Variants in ZNF800 observed in about 807,000 individuals in gnomAD.
ZNF800 encodes the protein zinc finger protein 800.
Under a neutral mutation model 59.5 loss-of-function variants are expected in ZNF800, and 13 were observed. The observed-to-expected ratio is 0.22, with a 90% CI of 0.14 to 0.35. The LOEUF is 0.35. Among genes scored for constraint, ZNF800 ranks in the 10% least tolerant of loss-of-function variants. The pLI, the probability that ZNF800 is intolerant of heterozygous loss-of-function variation, is 1.00. For synonymous variants in ZNF800, 266 were observed against 265.7 expected, an observed-to-expected ratio of 1.00 and a Z score of -0.01; for missense variants, 621 against 783.7, an observed-to-expected ratio of 0.79 and a Z score of 2.48.
chr7:127,366,437 G>A (rs1351075237), downstream of ZNF800, among the ~76,000 whole-genome samples: 1 of 152,122 alleles, frequency 6.6e-6, no homozygotes, highest in Non-Finnish European at 1.5e-5. Context: ...TACAAAAAAT[G>A]TAATGGCTCT....
In ZNF800 at chr7:127,383,149, G is replaced by T. The variant is rs530909589; in HGVS notation, c.157+2911C>A. Among the ~76,000 whole-genome samples the T allele has an allele frequency of 5.9e-5, 9 of 152,286 alleles. No homozygotes were observed. The South Asian group carries it at 1.4e-3, about 25-fold the overall frequency. On this transcript the variant is annotated intron_variant, in intron 3 of 5. Coordinates refer to ENST00000265827, the MANE Select transcript of ZNF800 (RefSeq NM_176814.5). ...TCAGTATAGCACACATCAAGTGGTGGACATTAAAAATGAGTCAACTCCTTC... is the reference window on the plus strand; with the variant it reads ...TCAGTATAGCACACATCAAGTGGTGTACATTAAAAATGAGTCAACTCCTTC...
intron 3 of ZNF800, among the ~76,000 whole-genome samples, chr7:127,381,416 C>T (rs1800972279): frequency 6.8e-6 from 1 of 146,840 alleles, no homozygotes; most frequent in Non-Finnish European, 1.5e-5. Context: ...TATCCTAAAA[C>T]TATCACCTGT....
chr7:127,372,911 G>C (rs1473280949), intron 5 of ZNF800: 1 of 984,014 alleles, frequency 1.0e-6, no homozygotes, highest in African/African-American at 1.8e-5. Flanking sequence ...TATAGTTATC[G>C]CCTTCACAAG....
At position 127,350,339 on chromosome 7, in the gene ZNF800, T is replaced by G. The variant is rs1800147734; in HGVS notation, n.225-2296A>C. The G allele has an allele frequency of 1.3e-5, 2 of 152,196 alleles. 1 individual carries two copies. The highest frequency in any genetic ancestry group is 4.1e-4 in the South Asian group (2 of 4,834). 9.4% of individuals were successfully genotyped at this position (152,196 alleles called of 1,614,324 possible). On this transcript the variant is annotated intron_variant and non_coding_transcript_variant, in intron 1 of 1. Transcript: ENST00000485577. ...TCTCTTTTGAAAGAAAAATGACTGT[T>G]TCCTGGAAAAAAAATTTAGAAAATT...
chr7:127,360,170 C>T (rs769459840), intron 1 of ZNF800: 2 of 151,950 alleles, frequency 1.3e-5, no homozygotes, highest in Non-Finnish European at 2.9e-5. Context: ...ATCAAATTAC[C>T]CAGGTAGTTG....
downstream of ZNF800, among the ~76,000 whole-genome samples, chr7:127,367,381 T>C (rs1800532689): frequency 6.6e-6 from 1 of 152,148 alleles, no homozygotes. Context: ...ATTAGATGAC[T>C]AGTGTAAGTT....
At chr7:127,369,303 T>A (rs1374453164), downstream of ZNF800, among the ~76,000 whole-genome samples, 2 of 152,124 alleles carry the variant, frequency 1.3e-5, no homozygotes, top group Non-Finnish European at 1.5e-5. Context: ...AGGTCTTATA[T>A]AAAATAAGCA....
intron 3 of ZNF800, among the ~76,000 whole-genome samples, chr7:127,383,104 G>T (rs773614302): frequency 3.9e-5 from 6 of 152,142 alleles, no homozygotes; most frequent in Non-Finnish European, 8.8e-5. Context: ...AAACAGGATG[G>T]GTTAAAACTG....
intron 3 of ZNF800, among the ~76,000 whole-genome samples, chr7:127,385,801 C>T (rs1801122962): frequency 6.6e-6 from 1 of 152,044 alleles, no homozygotes; most frequent in Non-Finnish European, 1.5e-5. Context: ...CCAGAAAATA[C>T]ACCACATAAT....
At chr7:127,342,890 A>G (rs528983657), downstream of ZNF800, among the ~76,000 whole-genome samples, 6 of 152,308 alleles carry the variant, frequency 3.9e-5, no homozygotes, top group South Asian at 1.0e-3. Flanking sequence ...TCAGCTCTTT[A>G]TTAAAGTAGC....
chr7:127,387,917 A>AAC (rs141731563), intron 2 of ZNF800, among the ~76,000 whole-genome samples: 30,296 of 147,652 alleles, frequency 0.21, 3,004 homozygotes, highest in Admixed American at 0.24. Flanking sequence ...ATTAATTAAG[A>AAC]ACACACACAC....
intron 3 of ZNF800, among the ~76,000 whole-genome samples, chr7:127,379,075 T>C (rs545698195): frequency 6.6e-6 from 1 of 152,256 alleles, no homozygotes; most frequent in Non-Finnish European, 1.5e-5. Context: ...CACTAGTCCT[T>C]ATTACCACAA....
At chr7:127,358,887 T>C (rs550854112) in intron 1 of ZNF800, among the ~76,000 whole-genome samples, 2 of 152,242 alleles carry the variant, frequency 1.3e-5, no homozygotes, top group Admixed American at 6.5e-5. Context: ...ATCTGAAGAA[T>C]ACTCATGGAA....
intron 2 of ZNF800, among the ~76,000 whole-genome samples, chr7:127,390,428 AAGTAC>A (rs1181352268): frequency 6.6e-6 from 1 of 152,178 alleles, no homozygotes; most frequent in Non-Finnish European, 1.5e-5. Flanking sequence ...GATCTCAGCA[AAGTAC>A]AGTAGAGATA....
intron 1 of ZNF800, among the ~76,000 whole-genome samples, chr7:127,355,578 A>G (rs1053738968): frequency 4.6e-5 from 7 of 152,110 alleles, no homozygotes; most frequent in African/African-American, 1.7e-4. Context: ...CGTAATAAGC[A>G]AAGTGGTGGT....
In ZNF800 at chr7:127,386,071, C is replaced by T. The variant is rs1444987656; in HGVS notation, c.146G>A (p.Cys49Tyr). The T allele has an allele frequency of 6.2e-7, 1 of 1,609,656 alleles. No homozygotes were observed. ...TAAAACATTCATACCTGATCGAAAG[C>T]ACTCAATTATTTGTTGAATACCAGA... ...SKSGIQQIIE[C>Y]FRSGTKQLKH... Residue 49 changes from cysteine to tyrosine, a missense_variant, in exon 3 of 6, where the codon TGC becomes TAC. By Grantham distance (194) the Cys-to-Tyr change is radical (BLOSUM62 -2). Transcript: ENST00000265827.
rs1365426715 is a variant in ZNF800, at chr7:127,392,438, G to A, written c.-437C>T. ...GCGGGCAGGACCTGAGGCTTCCCTC[G>A]CCGGGGCAACGGCTGCCGCCGCAAC... On this transcript the variant is annotated 5_prime_UTR_variant, in exon 1 of 6. Coordinates refer to ENST00000265827, the MANE Select transcript of ZNF800 (RefSeq NM_176814.5). 5.3e-6 allele frequency: 2 copies of A among 373,952 alleles called. No homozygotes were observed. Among genetic ancestry groups the A allele is most frequent in the Admixed American group, 9.2e-5 (2 of 21,772 alleles). The allele number at this position is 373,952 out of a possible 1,614,324, so 23.2% of individuals were successfully genotyped here. A position where few individuals can be genotyped will look rare whatever the true frequency, so the allele number is the denominator to read the frequency against.
At chr7:127,358,854 A>C (rs1405023834) in intron 1 of ZNF800, among the ~76,000 whole-genome samples, 2 of 152,162 alleles carry the variant, frequency 1.3e-5, no homozygotes, top group Non-Finnish European at 2.9e-5. Context: ...ACTGAATGAA[A>C]TAAGTCAATG....
At chr7:127,376,356 T>A (rs1227605545) in intron 4 of ZNF800, among the ~76,000 whole-genome samples, 2 of 151,928 alleles carry the variant, frequency 1.3e-5, no homozygotes, top group African/African-American at 4.8e-5. Flanking sequence ...CTATATTTTG[T>A]AAGTCAACAA....
Sources: allele counts gnomAD v4.1 joint callset (sites outside exome capture counted in the v4.1 genomes callset), GRCh38; gene constraint gnomAD v4.1.1; transcripts MANE v1.5; gene names NCBI Gene and HGNC (gene_info 2026-07-23, HGNC 2026-07-21).